The following MDM4 variants were observed in gnomAD, a reference collection of about 807,000 sequenced individuals.
MDM4 encodes protein Mdm4.
Under a neutral mutation model 60.2 loss-of-function variants are expected in MDM4, and 2 were observed. That is an observed-to-expected ratio of 0.03 (90% CI 0.01 to 0.10). The LOEUF (loss-of-function observed/expected upper bound fraction) is 0.10, where lower values mean the gene tolerates loss of function less well. MDM4 is among the 10% of genes least tolerant of loss of function. The pLI is 1.00. For missense variants in MDM4, 447 were observed against 577.5 expected (o/e 0.77, Z 2.32); for synonymous variants, 202 against 198.1 (o/e 1.02, Z -0.17).
intron 1 of MDM4, among the ~76,000 whole-genome samples, chr1:204,521,724 C>T (rs925789161): frequency 3.3e-5 from 5 of 152,188 alleles, no homozygotes; most frequent in African/African-American, 1.2e-4. Context: ...TGGAAACGGT[C>T]TGCACATTAT....
intron 1 of MDM4, among the ~76,000 whole-genome samples, 159 bp downstream of exon 1, chr1:204,516,668 G>C (rs1659004213): frequency 6.6e-6 from 1 of 152,164 alleles, no homozygotes; most frequent in African/African-American, 2.4e-5. Flanking sequence ...AGAAGGGCTC[G>C]GGGGGAGGGG....
chr1:204,531,784 A>T (rs1200091626), intron 4 of MDM4, among the ~76,000 whole-genome samples: 1 of 151,814 alleles, frequency 6.6e-6, no homozygotes, highest in Non-Finnish European at 1.5e-5. Context: ...GTGAGCTGAG[A>T]TTGTGCCATG....
Position 204,529,451 on chromosome 1 carries a change from A to G in MDM4, c.154-1233A>G, listed in dbSNP as rs529044256. On this transcript the variant is annotated intron_variant, in intron 3 of 10. Coordinates refer to ENST00000367182, the MANE Select transcript of MDM4 (RefSeq NM_002393.5). ...AGGGGCCCCCTGGAGCTGTACCATCATTTGGTCCTCCTGGAGTTCCAGAGG... is the reference window on the plus strand; with the variant it reads ...AGGGGCCCCCTGGAGCTGTACCATCGTTTGGTCCTCCTGGAGTTCCAGAGG... The G allele has an allele frequency of 1.8e-5, 28 of 1,518,286 alleles. No individual in the cohort carries two copies. The African/African-American group carries it at 3.8e-4, about 21-fold the overall frequency. 94.1% of individuals were successfully genotyped at this position (1,518,286 alleles called of 1,614,324 possible).
Position 204,556,716 on chromosome 1 carries a change from T to C in MDM4, c.*7034T>C, listed in dbSNP as rs1663561167. Reference sequence around the variant, plus strand: ...CAAAGAAATTGAGGTCAGGCTTCCTTCTTACAGAATTATTTTTTTCTCTGT... The same window carrying C: ...CAAAGAAATTGAGGTCAGGCTTCCTCCTTACAGAATTATTTTTTTCTCTGT... On this transcript the variant is annotated 3_prime_UTR_variant, in exon 11 of 11. Coordinates refer to ENST00000367182, the MANE Select transcript of MDM4 (RefSeq NM_002393.5). 1 of 212,910 alleles carries C rather than the reference T, an allele frequency of 4.7e-6. No homozygotes were observed. The allele number at this position is 212,910 out of a possible 1,614,324, so 13.2% of individuals were successfully genotyped here.
At chr1:204,517,691 C>T (rs982631163) in intron 1 of MDM4, among the ~76,000 whole-genome samples, 1 of 152,198 alleles carries the variant, frequency 6.6e-6, no homozygotes, top group African/African-American at 2.4e-5. Flanking sequence ...CGTGAGCCAC[C>T]GTGCCCGGCC....
chr1:204,544,653 G>A lies in MDM4; in HGVS notation c.791G>A (p.Ser264Asn), dbSNP rs2102428829. The change falls in exon 9 of 11, where the codon AGT becomes AAT. Residue 264 changes from serine (S) to asparagine (N), a missense_variant. This residue lies in a region of MDM4 where 184 missense variants were observed against 179.3 expected (regional missense o/e 1.03). Coordinates refer to ENST00000367182, the MANE Select transcript of MDM4 (RefSeq NM_002393.5). ...GAAGCTGCTGATACTGAACAAACAA[G>A]TGAAGAAGTAGGGAAAGTAAGTGAC... ...KVEAADTEQT[S>N]EEVGKVSDKK... 1 of 1,613,320 alleles carries A rather than the reference G, an allele frequency of 6.2e-7. No homozygotes were observed. The highest frequency in any genetic ancestry group is 8.5e-7 in the Non-Finnish European group (1 of 1,179,458).
chr1:204,524,794 ACAAT>A (rs1279911997), intron 1 of MDM4, among the ~76,000 whole-genome samples: 3 of 152,240 alleles, frequency 2.0e-5, no homozygotes, highest in African/African-American at 2.4e-5. Context: ...AAATAAATAA[ACAAT>A]CTATCTTCCT....
At chr1:204,518,143 G>A (rs144942473) in intron 1 of MDM4, among the ~76,000 whole-genome samples, 5 of 152,296 alleles carry the variant, frequency 3.3e-5, no homozygotes, top group African/African-American at 9.6e-5. Flanking sequence ...GCGACAGCGC[G>A]AGAGCCTGTC....
Position 204,526,338 on chromosome 1 carries a change from A to G in MDM4, c.79-22A>G, listed in dbSNP as rs1558313604. 2.5e-6 allele frequency: 4 copies of G among 1,597,476 alleles called. No homozygotes were observed. The African/African-American group carries it at 5.4e-5, about 21-fold the overall frequency. On this transcript the variant is annotated intron_variant, in intron 2 of 10. Transcript: ENST00000367182. ...AACCTACTTGAAATGTAAATAGCAC[A>G]TTTATTTTATGTTTATATCAGGTAC...
chr1:204,532,650 G>T (rs1660985942), intron 5 of MDM4: 4 of 950,766 alleles, frequency 4.2e-6, no homozygotes, highest in South Asian at 1.9e-5. Flanking sequence ...TTGTATTTTT[G>T]TCTTACTTGA....
intron 5 of MDM4, among the ~76,000 whole-genome samples, chr1:204,534,052 T>C (rs200476919): frequency 1.3e-5 from 2 of 152,146 alleles, no homozygotes; most frequent in Non-Finnish European, 2.9e-5. Flanking sequence ...TCCCGAGGTG[T>C]TGGGATTACA....
rs1425989939 is a variant in MDM4, at chr1:204,549,435, G to A, written c.1226G>A (p.Ser409Asn). 2 of 1,612,770 alleles carry A rather than the reference G, an allele frequency of 1.2e-6. No individual in the cohort carries two copies. Among genetic ancestry groups the A allele is most frequent in the East Asian group, 2.2e-5 (1 of 44,884 alleles). Residue 409 changes from serine (S) to asparagine (N), a missense_variant, in exon 11 of 11, where the codon AGC becomes AAC. By Grantham distance (46) the Ser-to-Asn change is conservative. Transcript: ENST00000367182. ...HSSESQETIS[S>N]MGEQLDNLSE... The stretch of plus-strand genomic sequence containing the variant: ...TCTGAAAGCCAAGAGACCATCTCAA[G>A]CATGGGAGAACAGTTAGATAACCTT...
intron 1 of MDM4, among the ~76,000 whole-genome samples, chr1:204,521,725 T>C (rs935843566): frequency 2.6e-5 from 4 of 152,232 alleles, no homozygotes; most frequent in African/African-American, 7.2e-5. Flanking sequence ...GGAAACGGTC[T>C]GCACATTATA....
At chr1:204,542,999 CT>C in intron 8 of MDM4, 55 bp downstream of exon 8, 1 of 1,379,614 alleles carries the variant, frequency 7.2e-7, no homozygotes, top group Non-Finnish European at 1.0e-6. Flanking sequence ...GGGTAACATT[CT>C]TGGTTACTCT....
At position 204,551,630 on chromosome 1, in the gene MDM4, A is replaced by C; in HGVS notation, c.*1948A>C. The C allele has an allele frequency of 4.3e-6, 1 of 232,068 alleles. No homozygotes were observed. Among genetic ancestry groups the C allele is most frequent in the East Asian group, 6.1e-5 (1 of 16,450 alleles). The allele number at this position is 232,068 out of a possible 1,614,324, so 14.4% of individuals were successfully genotyped here. The stretch of plus-strand genomic sequence containing the variant: ...TAAGTTGGTTTCCATAGAGCTATGC[A>C]TGTATCCTTACCCCCATGGGAAAAT... On this transcript the variant is annotated 3_prime_UTR_variant, in exon 11 of 11. Coordinates refer to ENST00000367182, the MANE Select transcript of MDM4 (RefSeq NM_002393.5).
chr1:204,540,792 A>G (rs1661996717), intron 7 of MDM4, among the ~76,000 whole-genome samples: 1 of 152,006 alleles, frequency 6.6e-6, no homozygotes, highest in African/African-American at 2.4e-5. Context: ...ACACTTTCTA[A>G]AATTAGTTTT....
chr1:204,540,330 T>G (rs1661926649), intron 7 of MDM4, among the ~76,000 whole-genome samples: 1 of 151,848 alleles, frequency 6.6e-6, no homozygotes, highest in African/African-American at 2.4e-5. Context: ...CCAGGATATC[T>G]CATTATGTAT....
intron 5 of MDM4, among the ~76,000 whole-genome samples, chr1:204,535,400 G>A (rs879564579): frequency 1.1e-4 from 16 of 151,804 alleles, no homozygotes; most frequent in African/African-American, 3.1e-4. Flanking sequence ...CTCGTGATCT[G>A]CCCGCCTTGG....
intron 5 of MDM4, chr1:204,532,904 A>T (rs1661015891): frequency 6.6e-7 from 1 of 1,517,890 alleles, no homozygotes; most frequent in Admixed American, 2.0e-5. Context: ...TCAAGTTTAA[A>T]TTTTTTGCCA....
Sources: allele counts gnomAD v4.1 joint callset (sites outside exome capture counted in the v4.1 genomes callset), GRCh38; gene constraint gnomAD v4.1.1; regional missense constraint gnomAD v4.1.1; transcripts MANE v1.5; gene names NCBI Gene and HGNC (gene_info 2026-07-23, HGNC 2026-07-21).